Variants in COPS2 observed in about 807,000 individuals in gnomAD.
The protein encoded by COPS2 is COP9 signalosome subunit 2.
Under a neutral mutation model 66.1 loss-of-function variants are expected in COPS2, and 10 were observed. The observed-to-expected ratio is 0.15, with a 90% CI of 0.09 to 0.26. COPS2 has a LOEUF of 0.26. Ranked by LOEUF, COPS2 falls within the 10% of genes least tolerant of loss-of-function variation. COPS2 has a pLI of 1.00. For synonymous variants in COPS2, 179 were observed against 171.3 expected (o/e 1.04, Z -0.35); for missense variants, 215 against 513.3 (o/e 0.42, Z 5.62).
Position 49,153,880 on chromosome 15 carries a change from G to T in COPS2, c.54+1645C>A, listed in dbSNP as rs992457776. Among the ~76,000 whole-genome samples, 4 of 152,206 alleles carry T rather than the reference G, an allele frequency of 2.6e-5. No homozygotes were observed. In the South Asian group the frequency reaches 8.3e-4, roughly 32 times the overall value. ...AGTAGAATGATAGGAAGGGTGTTGT[G>T]GGGGGAAGAGGAGTGGGGAAGTAAG... On this transcript the variant is annotated intron_variant, in intron 1 of 12. Coordinates refer to ENST00000388901, the MANE Select transcript of COPS2 (RefSeq NM_004236.4).
rs1448726063 is a variant in COPS2, at chr15:49,127,091, A to G, written c.*859T>C. 2 of 152,112 alleles carry G rather than the reference A, an allele frequency of 1.3e-5. No individual in the cohort carries two copies. Among genetic ancestry groups the G allele is most frequent in the Non-Finnish European group, 2.9e-5 (2 of 68,000 alleles). 9.4% of individuals were successfully genotyped at this position (152,112 alleles called of 1,614,324 possible). On this transcript the variant is annotated 3_prime_UTR_variant, in exon 13 of 13. Coordinates refer to ENST00000388901, the MANE Select transcript of COPS2 (RefSeq NM_004236.4). The stretch of plus-strand genomic sequence containing the variant: ...AGAGTTAGTATTCTTTTGAAAAGGA[A>G]TATCACTCTTTAAAAAAAAAGAATT...
In COPS2 at chr15:49,135,436, TAGA is replaced by T. The variant is rs1369249652; in HGVS notation, c.541-925_541-923del. Among the ~76,000 whole-genome samples, 7 of 152,132 alleles carry T rather than the reference TAGA, an allele frequency of 4.6e-5. No homozygotes were observed. The East Asian group carries it at 1.3e-3, about 29-fold the overall frequency. The stretch of plus-strand genomic sequence containing the variant: ...CGGTCTCAAAAAGTTCACACTCTAG[TAGA>T]AGATTAATCTGTCAGTAGATAAATT... On this transcript the variant is annotated intron_variant, in intron 6 of 12. Transcript: ENST00000388901.
chr15:49,149,918 T>C (rs1202931205), intron 1 of COPS2, among the ~76,000 whole-genome samples: 1 of 152,186 alleles, frequency 6.6e-6, no homozygotes, highest in East Asian at 1.9e-4. Context: ...GATAAAGTTA[T>C]CCATTTAAAA....
chr15:49,141,118 C>T (rs1483884809), intron 3 of COPS2, among the ~76,000 whole-genome samples: 1 of 152,064 alleles, frequency 6.6e-6, no homozygotes. Context: ...CATTACAGTA[C>T]ATATCTTGCA....
intron 1 of COPS2, among the ~76,000 whole-genome samples, chr15:49,153,111 A>T (rs1323278696): frequency 6.6e-6 from 1 of 152,148 alleles, no homozygotes; most frequent in Non-Finnish European, 1.5e-5. Context: ...ACAAACTAAT[A>T]ATACAAATGC....
At position 49,141,829 on chromosome 15, in the gene COPS2, T is replaced by C. The variant is rs141288555; in HGVS notation, c.247-2176A>G. Among the ~76,000 whole-genome samples the C allele has an allele frequency of 4.2e-3, 633 of 152,244 alleles. 8 individuals carry two copies. Among genetic ancestry groups the C allele is most frequent in the Admixed American group, 6.3e-3 (96 of 15,294 alleles). Reference sequence around the variant, plus strand: ...ATAACATAAAATGCAAAAAACCCTCTCCCTTCCTTCCCACTCTGCTCAAGG... The same window carrying C: ...ATAACATAAAATGCAAAAAACCCTCCCCCTTCCTTCCCACTCTGCTCAAGG... On this transcript the variant is annotated intron_variant, in intron 3 of 12. Transcript: ENST00000388901.
chr15:49,129,576 TA>T lies in COPS2; in HGVS notation c.1046-18del. ...GCAAAAGCTCTGAAAGACAAAAAAT[TA>T]AAATAACATTTTATTTAACAGTTTG... On this transcript the variant is annotated intron_variant, in intron 10 of 12. Transcript: ENST00000388901. 7.5e-7 allele frequency: 1 copy of T among 1,331,942 alleles called. No homozygotes were observed. Among genetic ancestry groups the T allele is most frequent in the Non-Finnish European group, 1.0e-6 (1 of 983,034 alleles). 82.5% of individuals were successfully genotyped at this position (1,331,942 alleles called of 1,614,324 possible).
intron 3 of COPS2, among the ~76,000 whole-genome samples, chr15:49,143,015 T>C (rs1205932049): frequency 1.3e-5 from 2 of 152,064 alleles, no homozygotes; most frequent in East Asian, 3.9e-4. Context: ...TAAGTGACGA[T>C]GGGAAGAATG....
intron 1 of COPS2, among the ~76,000 whole-genome samples, chr15:49,150,255 A>C (rs191553119): frequency 6.7e-6 from 1 of 149,652 alleles, no homozygotes; most frequent in Non-Finnish European, 1.5e-5. Context: ...CTCAAAAAAA[A>C]AAAAAAATAA....
chr15:49,151,139 G>A (rs992859152), intron 1 of COPS2, among the ~76,000 whole-genome samples: 5 of 152,052 alleles, frequency 3.3e-5, no homozygotes, highest in East Asian at 1.9e-4. Context: ...GGTGGCTCAC[G>A]TCTGTAATCT....
intron 3 of COPS2, 138 bp from the exon 4 acceptor site, chr15:49,139,791 A>G (rs1165993119): frequency 3.0e-5 from 18 of 599,690 alleles, no homozygotes; most frequent in Non-Finnish European, 4.2e-5. Context: ...TAAAAGAGGA[A>G]CTATGTATGA....
chr15:49,144,885 T>C (rs1360332465), intron 2 of COPS2, 80 bp downstream of exon 2: 2 of 756,260 alleles, frequency 2.6e-6, no homozygotes, highest in Non-Finnish European at 4.3e-6. Flanking sequence ...ATTTCTGAGA[T>C]AAAATCACCT....
intron 1 of COPS2, among the ~76,000 whole-genome samples, chr15:49,154,935 T>C (rs2084403965): frequency 6.6e-6 from 1 of 152,170 alleles, no homozygotes; most frequent in African/African-American, 2.4e-5. Flanking sequence ...TTCGACTACC[T>C]TTTTTTCAGT....
intron 4 of COPS2, among the ~76,000 whole-genome samples, chr15:49,138,838 ACTCAAGTAT>A (rs935541269): frequency 6.6e-6 from 1 of 152,210 alleles, no homozygotes; most frequent in African/African-American, 2.4e-5. Flanking sequence ...TATATCTTGT[ACTCAAGTAT>A]CACAGAGTAA....
At chr15:49,145,117 A>G (rs779942647) in intron 1 of COPS2, 39 bp from the exon 2 acceptor site, 4 of 1,137,650 alleles carry the variant, frequency 3.5e-6, no homozygotes. Flanking sequence ...GAAAAAAAGA[A>G]AAGAAACCCA....
chr15:49,137,079 T>G, intron 6 of COPS2, 71 bp downstream of exon 6: 1 of 914,792 alleles, frequency 1.1e-6, no homozygotes, highest in Middle Eastern at 3.3e-4. Context: ...AACAATATTT[T>G]GAATATAATT....
At chr15:49,130,093 T>A (rs2084197404) in intron 10 of COPS2, among the ~76,000 whole-genome samples, 1 of 152,150 alleles carries the variant, frequency 6.6e-6, no homozygotes, top group Non-Finnish European at 1.5e-5. Context: ...TGTCTGTTGA[T>A]TAAAAGAGAA....
chr15:49,155,465 G>T (rs2084420643), intron 1 of COPS2, 60 bp downstream of exon 1: 1 of 1,559,426 alleles, frequency 6.4e-7, no homozygotes, highest in Non-Finnish European at 8.8e-7. Flanking sequence ...GGGCGCCCCG[G>T]CCCGGACCCC....
chr15:49,136,732 T>C (rs1042211528), intron 6 of COPS2, among the ~76,000 whole-genome samples: 2 of 152,132 alleles, frequency 1.3e-5, no homozygotes, highest in Non-Finnish European at 2.9e-5. Context: ...CTCACACCTG[T>C]AATCCCAGCA....
Sources: gnomAD v4.1 joint callset for allele counts (sites outside exome capture counted in the v4.1 genomes callset) on GRCh38, gnomAD v4.1.1 for gene constraint, MANE v1.5 for transcripts, NCBI Gene and HGNC (gene_info 2026-07-23, HGNC 2026-07-21) for gene names.